Variants in OLFML2B observed in about 807,000 individuals in gnomAD.
OLFML2B encodes the protein olfactomedin like 2B, also known as olfactomedin-like protein 2B.
Under a neutral mutation model 74.9 loss-of-function variants are expected in OLFML2B, and 57 were observed. The ratio of observed to expected loss-of-function variants is 0.76; its 90% CI spans 0.61 to 0.95. The LOEUF (loss-of-function observed/expected upper bound fraction) is 0.95. Ranked by LOEUF, OLFML2B falls within the 40% of genes least tolerant of loss-of-function variation. The pLI is 0.00. For missense variants in OLFML2B, 986 were observed against 970.6 expected (o/e 1.02, Z -0.21); for synonymous variants, 388 against 405.8 (o/e 0.96, Z 0.53).
In OLFML2B at chr1:161,998,103, G is replaced by T. The variant is rs140535952; in HGVS notation, c.1196C>A (p.Ser399Ter). Residue 399 changes from serine (S) to a stop codon, truncating the protein, a stop_gained, in exon 6 of 8, where the codon TCG becomes TAG. Transcript: ENST00000294794. LOFTEE classifies it high-confidence loss of function. ...CTCCCTTGTGGGATCTGGAGACACC[G>T]AGGTTGTTTGGAGTGTTGGTCCCAC... ...ASVGPTLQTTSVSPDPTRESV... is the reference protein window; with the variant it reads ...ASVGPTLQTT 1.1e-5 allele frequency: 17 copies of T among 1,613,980 alleles called. No homozygotes were observed. Among genetic ancestry groups the T allele is most frequent in the Non-Finnish European group, 1.4e-5 (17 of 1,180,034 alleles).
chr1:162,006,739 A>G (rs1690245436), intron 3 of OLFML2B, among the ~76,000 whole-genome samples: 1 of 152,164 alleles, frequency 6.6e-6, no homozygotes, highest in Non-Finnish European at 1.5e-5. Context: ...TATTAATAAC[A>G]TTGACAAGTC....
intron 6 of OLFML2B, among the ~76,000 whole-genome samples, chr1:161,994,397 C>G (rs1689827664): frequency 6.6e-6 from 1 of 152,252 alleles, no homozygotes; most frequent in Non-Finnish European, 1.5e-5. Context: ...AGACATTCTT[C>G]ATAGTTCATG....
intron 3 of OLFML2B, among the ~76,000 whole-genome samples, chr1:162,015,087 T>C (rs930242997): frequency 6.6e-6 from 1 of 152,218 alleles, no homozygotes; most frequent in East Asian, 1.9e-4. Context: ...GCTAAATGTA[T>C]ACAGAATGCT....
At chr1:162,002,864 G>A (rs961562947) in intron 4 of OLFML2B, among the ~76,000 whole-genome samples, 1 of 152,218 alleles carries the variant, frequency 6.6e-6, no homozygotes, top group Non-Finnish European at 1.5e-5. Flanking sequence ...TGAGCTGTAG[G>A]GGATATCTGG....
At chr1:162,009,771 C>T (rs1690324715) in intron 3 of OLFML2B, among the ~76,000 whole-genome samples, 1 of 152,218 alleles carries the variant, frequency 6.6e-6, no homozygotes, top group South Asian at 2.1e-4. Flanking sequence ...CACCCCCAGT[C>T]AGCCACCTCC....
At chr1:161,985,424 C>T (rs1347509657) in intron 6 of OLFML2B, among the ~76,000 whole-genome samples, 1 of 152,194 alleles carries the variant, frequency 6.6e-6, no homozygotes, top group Non-Finnish European at 1.5e-5. Context: ...ACGCCTGCCC[C>T]CAACCGGAGC....
Position 162,000,157 on chromosome 1 carries a change from T to TAA in OLFML2B, c.904_905insTT (p.Tyr302PhefsTer30). 6.2e-7 allele frequency: 1 copy of TAA among 1,611,796 alleles called. No homozygotes were observed. The highest frequency in any genetic ancestry group is 1.1e-5 in the South Asian group (1 of 91,014). On this transcript the variant is annotated frameshift_variant, in exon 5 of 8. Coordinates refer to ENST00000294794, the MANE Select transcript of OLFML2B (RefSeq NM_015441.3). LOFTEE classifies it high-confidence loss of function. ...CTCTTCTTCAGAGACCTTGGCTTTATAGTAGGTGATGCCCCGGATGACAGT... is the reference window on the plus strand; with the variant it reads ...CTCTTCTTCAGAGACCTTGGCTTTATAAAGTAGGTGATGCCCCGGATGACAGT...
chr1:162,008,138 A>G (rs2101970246), intron 3 of OLFML2B, among the ~76,000 whole-genome samples: 1 of 152,328 alleles, frequency 6.6e-6, no homozygotes, highest in South Asian at 2.1e-4. Context: ...GATCTCAGGC[A>G]CATTACTGAA....
intron 3 of OLFML2B, among the ~76,000 whole-genome samples, 155 bp from the exon 4 acceptor site, chr1:162,006,628 G>T (rs1232406311): frequency 6.6e-6 from 1 of 152,002 alleles, no homozygotes; most frequent in Non-Finnish European, 1.5e-5. Context: ...CCCAGCCCTG[G>T]GCTGAGCACC....
chr1:161,988,972 C>A (rs531650316), intron 6 of OLFML2B, among the ~76,000 whole-genome samples: 1 of 152,188 alleles, frequency 6.6e-6, no homozygotes, highest in African/African-American at 2.4e-5. Context: ...AAACCTAGGT[C>A]ATCCCTGATG....
intron 6 of OLFML2B, 189 bp from the exon 7 acceptor site, chr1:161,985,169 C>T (rs1017207825): frequency 2.0e-6 from 1 of 510,570 alleles, no homozygotes. Flanking sequence ...CTTGACCCTA[C>T]ACTTGAGCCT....
Position 161,984,045 on chromosome 1 carries a change from C to T in OLFML2B, c.1883G>A (p.Gly628Asp). 1 of 1,614,196 alleles carries T rather than the reference C, an allele frequency of 6.2e-7. No individual in the cohort carries two copies. Among genetic ancestry groups the T allele is most frequent in the South Asian group, 1.1e-5 (1 of 91,074 alleles). The stretch of plus-strand genomic sequence containing the variant: ...CAGGGCCGGGTAGATGAGCCATAGG[C>T]CATTCTCGTCCACAGCAAAGTCCAC... Reference protein sequence around the residue: ...SDVDFAVDENGLWLIYPALDD... With the variant: ...SDVDFAVDENDLWLIYPALDD... The change falls in exon 8 of 8, where the codon GGC becomes GAC. Residue 628 changes from glycine (G) to aspartate (D), a missense_variant. Gly to Asp is a moderately conservative substitution (Grantham distance 94, BLOSUM62 -1). Coordinates refer to ENST00000294794, the MANE Select transcript of OLFML2B (RefSeq NM_015441.3).
chr1:161,995,971 G>A (rs1689886817), intron 6 of OLFML2B, among the ~76,000 whole-genome samples: 1 of 152,138 alleles, frequency 6.6e-6, no homozygotes, highest in South Asian at 2.1e-4. Context: ...GTGCACAAGT[G>A]GTAGCCTCTT....
chr1:162,020,137 C>T lies in OLFML2B; in HGVS notation c.220G>A (p.Asp74Asn), dbSNP rs1690659127. 6.2e-7 allele frequency: 1 copy of T among 1,614,104 alleles called. No homozygotes were observed. The highest frequency in any genetic ancestry group is 8.5e-7 in the Non-Finnish European group (1 of 1,180,052). ...CTCACCACACACTTGCACTGACAGT[C>T]CGAGCCCTCAGACATAGCCTTGACC... Reference protein sequence around the residue: ...DKVKAMSEGSDCQCKCVVRPL... With the variant: ...DKVKAMSEGSNCQCKCVVRPL... The change falls in exon 2 of 8, where the codon GAC (aspartate) becomes AAC (asparagine). Residue 74 changes from aspartate to asparagine, a missense_variant. By Grantham distance (23) the Asp-to-Asn change is conservative. Coordinates refer to ENST00000294794, the MANE Select transcript of OLFML2B (RefSeq NM_015441.3).
intron 3 of OLFML2B, among the ~76,000 whole-genome samples, chr1:162,011,271 G>A (rs1317292259): frequency 6.6e-6 from 1 of 152,188 alleles, no homozygotes; most frequent in African/African-American, 2.4e-5. Context: ...TGCGCACAGG[G>A]CTAAGATACA....
intron 3 of OLFML2B, among the ~76,000 whole-genome samples, chr1:162,006,766 A>AC: frequency 1.3e-5 from 2 of 152,352 alleles, no homozygotes; most frequent in East Asian, 3.9e-4. Context: ...CCACCAGGAC[A>AC]CCAGGTTCTT....
rs1229924727 is a variant in OLFML2B at position 161,984,207 on chromosome 1, G to A, written c.1721C>T (p.Ala574Val). 2.5e-6 allele frequency: 4 copies of A among 1,581,788 alleles called. No individual in the cohort carries two copies. The highest frequency in any genetic ancestry group is 2.6e-6 in the Non-Finnish European group (3 of 1,164,598). ...IGTGHVVYNGAFYYNRAFTRN... is the reference protein window; with the variant it reads ...IGTGHVVYNGVFYYNRAFTRN... ...GGTGAAGGCGCGATTGTAGTAGAAG[G>A]CGCCATTGTATACCACGTGGCCTGT... is the stretch of plus-strand genomic sequence containing the variant. The change falls in exon 8 of 8, where the codon GCC becomes GTC. Residue 574 changes from alanine (A) to valine (V), a missense_variant. Physicochemically the swap from Ala to Val is moderately conservative, Grantham distance 64 (BLOSUM62 0). Coordinates refer to ENST00000294794, the MANE Select transcript of OLFML2B (RefSeq NM_015441.3).
Position 161,997,865 on chromosome 1 carries a change from C to T in OLFML2B, c.1434G>A (p.Thr478=), listed in dbSNP as rs750757748. 13 of 1,613,926 alleles carry T rather than the reference C, an allele frequency of 8.1e-6. No homozygotes were observed. The highest frequency in any genetic ancestry group is 4.4e-5 in the South Asian group (4 of 91,050). The change falls in exon 6 of 8, where the codon ACG becomes ACA. Residue 478 remains threonine, a synonymous_variant. Coordinates refer to ENST00000294794, the MANE Select transcript of OLFML2B (RefSeq NM_015441.3). Reference sequence around the variant, plus strand: ...TGTCATCTTCTTCTTCGGGGCTCAGCGTGGGGCTGGCAGGGGTTGTTCCCC... The same window carrying T: ...TGTCATCTTCTTCTTCGGGGCTCAGTGTGGGGCTGGCAGGGGTTGTTCCCC... ...AGWGTTPASP[T]LSPEEEDDIR...
chr1:161,986,444 T>C (rs546294558), intron 6 of OLFML2B, among the ~76,000 whole-genome samples: 1 of 152,248 alleles, frequency 6.6e-6, no homozygotes, highest in East Asian at 1.9e-4. Context: ...GGAAGAGGCA[T>C]GAACACTGTT....
Sources: allele counts gnomAD v4.1 joint callset (sites outside exome capture counted in the v4.1 genomes callset), GRCh38; gene constraint gnomAD v4.1.1; transcripts MANE v1.5; gene names NCBI Gene and HGNC (gene_info 2026-07-23, HGNC 2026-07-21).